PLCB4: variants seen among roughly 807,000 people sequenced by gnomAD.
PLCB4 encodes the protein phospholipase C beta 4, also known as 1-phosphatidylinositol 4,5-bisphosphate phosphodiesterase beta-4.
In PLCB4, 77 loss-of-function variants were observed where a neutral mutation model predicts 178.8. The ratio of observed to expected loss-of-function variants is 0.43; its 90% confidence interval spans 0.36 to 0.52. PLCB4 has a LOEUF of 0.52. Among genes scored for constraint, PLCB4 ranks in the 20% least tolerant of loss-of-function variants. The probability of loss-of-function intolerance (pLI) is 0.00; values close to 1 mark genes in which losing one functional copy is unlikely to be tolerated. For missense variants in PLCB4, 1,024 were observed against 1,453.4 expected, an observed-to-expected ratio of 0.70 and a Z score of 4.80; for synonymous variants, 496 against 490.8, an observed-to-expected ratio of 1.01 and a Z score of -0.14.
At chr20:9,276,759 C>T (rs368620415) in intron 3 of PLCB4, among the ~76,000 whole-genome samples, 25 of 152,032 alleles carry the variant, frequency 1.6e-4, no homozygotes, top group African/African-American at 4.3e-4. Flanking sequence ...TTCTGTTCTA[C>T]TCAAAATATG....
intron 2 of PLCB4, among the ~76,000 whole-genome samples, chr20:9,114,506 T>C (rs2091711737): frequency 6.6e-6 from 1 of 152,124 alleles, no homozygotes; most frequent in African/African-American, 2.4e-5. Flanking sequence ...CTCACTGCAT[T>C]AAGATGAAGT....
intron 3 of PLCB4, among the ~76,000 whole-genome samples, chr20:9,300,727 C>T (rs1057509596): frequency 1.3e-5 from 2 of 152,090 alleles, no homozygotes; most frequent in African/African-American, 4.8e-5. Context: ...TTCAGTTGAA[C>T]ACACATGTTG....
intron 35 of PLCB4, among the ~76,000 whole-genome samples, chr20:9,460,873 C>T (rs2043344733): frequency 6.6e-6 from 1 of 152,230 alleles, no homozygotes; most frequent in Admixed American, 6.5e-5. Context: ...TTTGAGGCAA[C>T]TAAATGCAGT....
At chr20:9,367,071 A>G (rs902387814) in intron 9 of PLCB4, among the ~76,000 whole-genome samples, 8 of 152,164 alleles carry the variant, frequency 5.3e-5, no homozygotes, top group African/African-American at 1.9e-4. Context: ...TCTGCTCTGC[A>G]GCTTCCATTC....
At chr20:9,230,343 G>A (rs1216355912) in intron 3 of PLCB4, among the ~76,000 whole-genome samples, 1 of 152,042 alleles carries the variant, frequency 6.6e-6, no homozygotes, top group African/African-American at 2.4e-5. Context: ...GGCAGTGGGG[G>A]ATAAAATTTT....
At chr20:9,223,998 T>C (rs2147306753) in intron 3 of PLCB4, among the ~76,000 whole-genome samples, 1 of 152,328 alleles carries the variant, frequency 6.6e-6, no homozygotes, top group African/African-American at 2.4e-5. Context: ...TTATGAATTA[T>C]CTCGGGAATT....
chr20:9,447,476 A>G (rs914186768), intron 32 of PLCB4, among the ~76,000 whole-genome samples: 3 of 152,196 alleles, frequency 2.0e-5, no homozygotes, highest in African/African-American at 7.2e-5. Flanking sequence ...TGAGAGACCA[A>G]GCAGATCAAG....
At chr20:9,159,830 TA>T (rs2092855227) in intron 2 of PLCB4, among the ~76,000 whole-genome samples, 1 of 152,204 alleles carries the variant, frequency 6.6e-6, no homozygotes, top group Non-Finnish European at 1.5e-5. Context: ...ACACTAATAT[TA>T]AATATTATGG....
chr20:9,337,739 G>A (rs915945967), intron 5 of PLCB4, among the ~76,000 whole-genome samples: 2 of 151,952 alleles, frequency 1.3e-5, no homozygotes, highest in African/African-American at 2.4e-5. Context: ...ATATATAAAA[G>A]TAACAGATTT....
intron 3 of PLCB4, among the ~76,000 whole-genome samples, chr20:9,259,382 T>G (rs2094273554): frequency 6.6e-6 from 1 of 152,124 alleles, no homozygotes; most frequent in Non-Finnish European, 1.5e-5. Context: ...TGATATCACC[T>G]TGACAAAGTA....
rs773700561 is a variant in PLCB4, at chr20:9,401,599, C to T, written c.1611+9C>T. The T allele has an allele frequency of 1.3e-6, 2 of 1,572,732 alleles. No homozygotes were observed. The highest frequency in any genetic ancestry group is 1.1e-5 in the South Asian group (1 of 90,044). On this transcript the variant is annotated intron_variant, in intron 20 of 39. Coordinates refer to ENST00000378473, the MANE Select transcript of PLCB4 (RefSeq NM_001377142.1). ...CAAATAGCGTCAAGAAGGTCAGAGT[C>T]CCCTTTCTTTCATCACTCTCAAGAG...
chr20:9,168,338 A>G (rs1309272018), intron 2 of PLCB4, among the ~76,000 whole-genome samples: 1 of 152,100 alleles, frequency 6.6e-6, no homozygotes, highest in African/African-American at 2.4e-5. Context: ...TGCAAGGCTT[A>G]ATGTTGCTTA....
chr20:9,252,863 A>G (rs2094195646), intron 3 of PLCB4, among the ~76,000 whole-genome samples: 1 of 151,996 alleles, frequency 6.6e-6, no homozygotes, highest in African/African-American at 2.4e-5. Flanking sequence ...TTGCACTTAG[A>G]TTGGTACCTA....
intron 4 of PLCB4, among the ~76,000 whole-genome samples, chr20:9,327,503 G>A (rs113032348): frequency 5.9e-5 from 9 of 151,938 alleles, no homozygotes; most frequent in Non-Finnish European, 1.3e-4. Flanking sequence ...CTGGCCGGGC[G>A]CGGTGGCTCC....
At position 9,437,014 on chromosome 20, in the gene PLCB4, G is replaced by T. The variant is rs768980104; in HGVS notation, c.2626G>T (p.Asp876Tyr). 6.2e-7 allele frequency: 1 copy of T among 1,613,814 alleles called. No individual in the cohort carries two copies. The highest frequency in any genetic ancestry group is 8.5e-7 in the Non-Finnish European group (1 of 1,179,916). The change falls in exon 30 of 40, where the codon GAC (aspartate) becomes TAC (tyrosine). Residue 876 changes from aspartate (D) to tyrosine (Y), a missense_variant. Coordinates refer to ENST00000378473, the MANE Select transcript of PLCB4 (RefSeq NM_001377142.1). ...GTTTCTGTTCCAGAGTGACATAGCC[G>T]ACGTGCCCAGTGACACTTCCAAAAA... Reference protein sequence around the residue: ...AMGIETSDIADVPSDTSKNDK... With the variant: ...AMGIETSDIAYVPSDTSKNDK...
At chr20:9,174,562 T>G (rs1463445097) in intron 2 of PLCB4, among the ~76,000 whole-genome samples, 1 of 152,078 alleles carries the variant, frequency 6.6e-6, no homozygotes, top group Non-Finnish European at 1.5e-5. Context: ...AGATGTTTCT[T>G]CCCTCCTTGG....
At chr20:9,295,616 T>C (rs993603217) in intron 3 of PLCB4, among the ~76,000 whole-genome samples, 14 of 152,258 alleles carry the variant, frequency 9.2e-5, no homozygotes, top group African/African-American at 3.1e-4. Flanking sequence ...AAGGAAGGGA[T>C]CCAGTTTCAG....
Position 9,373,037 on chromosome 20 carries a change from T to G in PLCB4, c.687-10T>G. ...CAAAAACTTACTTTTTCTAATAAAT[T>G]TCTTTTCAGCAATGGAGACAAAACT... is the stretch of plus-strand genomic sequence containing the variant. On this transcript the variant is annotated splice_polypyrimidine_tract_variant and intron_variant, in intron 11 of 39. Transcript: ENST00000378473. 7.4e-7 allele frequency: 1 copy of G among 1,356,428 alleles called. No individual in the cohort carries two copies. The highest frequency in any genetic ancestry group is 1.1e-6 in the Non-Finnish European group (1 of 948,914). 84.0% of individuals were successfully genotyped at this position (1,356,428 alleles called of 1,614,324 possible).
intron 28 of PLCB4, among the ~76,000 whole-genome samples, chr20:9,433,678 T>A (rs192663281): frequency 6.6e-6 from 1 of 152,260 alleles, no homozygotes; most frequent in Admixed American, 6.5e-5. Context: ...CTCTCCACTT[T>A]TGTGTATACT....
Sources: gnomAD v4.1 joint callset for allele counts (sites outside exome capture counted in the v4.1 genomes callset) on GRCh38, gnomAD v4.1.1 for gene constraint, MANE v1.5 for transcripts, NCBI Gene and HGNC (gene_info 2026-07-23, HGNC 2026-07-21) for gene names.